RADIL: variants seen among roughly 807,000 people sequenced by gnomAD.
RADIL encodes the protein ras-associating and dilute domain-containing protein.
RADIL carries 99 observed loss-of-function variants against 97.6 expected under a neutral mutation model. The observed-to-expected ratio is 1.01, with a 90% CI of 0.86 to 1.20. The LOEUF (loss-of-function observed/expected upper bound fraction) is 1.20. Ranked by LOEUF, RADIL falls within the 50% of genes most tolerant of loss-of-function variation. The probability of loss-of-function intolerance (pLI) is 0.00; values close to 1 mark genes in which losing one functional copy is unlikely to be tolerated. For missense variants in RADIL, 1,765 were observed against 1,498.9 expected (o/e 1.18, Z -2.93); for synonymous variants, 803 against 691.8 (o/e 1.16, Z -2.52).
chr7:4,878,491 G>C lies in RADIL; in HGVS notation c.-64-288C>G, dbSNP rs944878921. On this transcript the variant is annotated intron_variant, in intron 1 of 14. Coordinates refer to ENST00000399583, the MANE Select transcript of RADIL (RefSeq NM_018059.5). This position sits in a 1 kb window ranked among gnomAD's most constrained non-coding sequence, Gnocchi z 4.1. ...GGAGTTCAAGATTGCAGTGAGCTAT[G>C]ATAGTGCCACGGCCCTCCAGCCCGG... Among the ~76,000 whole-genome samples the C allele has an allele frequency of 2.0e-5, 3 of 152,216 alleles. No homozygotes were observed. Among genetic ancestry groups the C allele is most frequent in the Admixed American group, 1.3e-4 (2 of 15,282 alleles).
intron 2 of RADIL, among the ~76,000 whole-genome samples, chr7:4,846,664 G>T (rs189138056): frequency 6.6e-6 from 1 of 151,352 alleles, no homozygotes; most frequent in Non-Finnish European, 1.5e-5. Flanking sequence ...TCCTGCCTCA[G>T]CCTCCCAAGT....
chr7:4,875,995 C>T (rs1270229767), intron 2 of RADIL, among the ~76,000 whole-genome samples: 2 of 152,048 alleles, frequency 1.3e-5, no homozygotes, highest in Admixed American at 6.6e-5. Flanking sequence ...CCACAAGTTA[C>T]TCTTTTTATT....
intron 5 of RADIL, among the ~76,000 whole-genome samples, chr7:4,829,363 G>A (rs1465395736): frequency 6.6e-6 from 1 of 152,188 alleles, no homozygotes; most frequent in Non-Finnish European, 1.5e-5. Context: ...GCGGGTGTTT[G>A]CCAGTGAAAG....
intron 9 of RADIL, among the ~76,000 whole-genome samples, chr7:4,812,180 C>T (rs1187767885): frequency 6.6e-6 from 1 of 152,154 alleles, no homozygotes; most frequent in Non-Finnish European, 1.5e-5. Context: ...CACACCTGGC[C>T]TTTCAGTTTC....
chr7:4,855,901 T>C (rs960452563), intron 2 of RADIL, among the ~76,000 whole-genome samples: 32 of 151,906 alleles, frequency 2.1e-4, no homozygotes, highest in African/African-American at 7.5e-4. Context: ...GTTCAAGTGA[T>C]TCTCATGCCT....
chr7:4,819,829 G>C lies in RADIL; in HGVS notation c.1616-2478C>G, dbSNP rs1243981008. Among the ~76,000 whole-genome samples the C allele has an allele frequency of 6.6e-6, 1 of 152,202 alleles. No homozygotes were observed. Among genetic ancestry groups the C allele is most frequent in the African/African-American group, 2.4e-5 (1 of 41,452 alleles). ...GGCCCTCGACACCCGGAGCCTGCAG[G>C]CATCCCTGGGCCCTGGCTCCCATCG... is the stretch of plus-strand genomic sequence containing the variant. On this transcript the variant is annotated intron_variant, in intron 6 of 14. Coordinates refer to ENST00000399583, the MANE Select transcript of RADIL (RefSeq NM_018059.5). The surrounding 1 kb of genome is among the most constrained non-coding windows in gnomAD (Gnocchi z 5.8).
At chr7:4,836,713 G>T (rs2115004313) in intron 2 of RADIL, 108 bp from the exon 3 acceptor site, 7 of 1,460,190 alleles carry the variant, frequency 4.8e-6, no homozygotes, top group Non-Finnish European at 6.5e-6. Flanking sequence ...CGAGGTGGGG[G>T]GATCGCCTGA....
At position 4,803,728 on chromosome 7, in the gene RADIL, G is replaced by T. The variant is rs1362515906; in HGVS notation, c.2317C>A (p.Pro773Thr). 2 of 1,566,002 alleles carry T rather than the reference G, an allele frequency of 1.3e-6. No individual in the cohort carries two copies. The highest frequency in any genetic ancestry group is 1.4e-5 in the African/African-American group (1 of 73,706). Residue 773 changes from proline to threonine, a missense_variant, in exon 11 of 15, where the codon CCC becomes ACC. Physicochemically the swap from Pro to Thr is conservative, Grantham distance 38. Transcript: ENST00000399583. ...TCGCTGGGCAGGACGATGGGTGGGG[G>T]GTTTTCGTAGGACTCCAGAACATCC... ...SEDVLESYEN[P>T]PPIVLPSDGF...
Position 4,821,525 on chromosome 7 carries a change from C to CCT in RADIL, c.1615+867_1615+868dup, listed in dbSNP as rs1366040256. Among the ~76,000 whole-genome samples the CCT allele has an allele frequency of 1.3e-5, 2 of 152,162 alleles. No homozygotes were observed. Among genetic ancestry groups the CCT allele is most frequent in the Non-Finnish European group, 2.9e-5 (2 of 68,040 alleles). ...CCCCCTAGACTGCCCCGATGGAATCCCTCTCCCTTAGTATTTTCAGAACAC... is the reference window on the plus strand; with the variant it reads ...CCCCCTAGACTGCCCCGATGGAATCCCTCTCTCCCTTAGTATTTTCAGAACAC... On this transcript the variant is annotated intron_variant, in intron 6 of 14. Coordinates refer to ENST00000399583, the MANE Select transcript of RADIL (RefSeq NM_018059.5). The surrounding 1 kb of genome is among the most constrained non-coding windows in gnomAD (Gnocchi z 5.2).
At position 4,815,470 on chromosome 7, in the gene RADIL, G is replaced by A. The variant is rs1287588417; in HGVS notation, c.1967-20C>T. On this transcript the variant is annotated intron_variant, in intron 8 of 14. Coordinates refer to ENST00000399583, the MANE Select transcript of RADIL (RefSeq NM_018059.5). This position sits in a 1 kb window ranked among gnomAD's most constrained non-coding sequence, Gnocchi z 8.0. ...AGGGGCCTGTGGAGGGAAGAAGGGA[G>A]GGTGATGCCTGGGCTGCCCTCCTGG... is the stretch of plus-strand genomic sequence containing the variant. 2.7e-6 allele frequency: 4 copies of A among 1,484,844 alleles called. No homozygotes were observed. The Admixed American group carries it at 9.9e-5, about 37-fold the overall frequency. The allele number at this position is 1,484,844 out of a possible 1,614,324, so 92.0% of individuals were successfully genotyped here. A position where few individuals can be genotyped will look rare whatever the true frequency, so the allele number is the denominator to read the frequency against.
chr7:4,832,064 G>T, intron 5 of RADIL, 77 bp downstream of exon 5: 2 of 1,512,912 alleles, frequency 1.3e-6, no homozygotes, highest in Non-Finnish European at 1.8e-6. Context: ...GACCCCTCGG[G>T]ACTTGGCTCC....
chr7:4,865,716 T>A lies in RADIL; in HGVS notation c.535+11889A>T. ...TGGCAGCATCTGTGATTCCATCTTC[T>A]ACGGGGTGGGTGCAATCAAGAGTGA... On this transcript the variant is annotated intron_variant, in intron 2 of 14. Transcript: ENST00000399583. 5 of 1,042,956 alleles carry A rather than the reference T, an allele frequency of 4.8e-6. No individual in the cohort carries two copies. In the South Asian group the frequency reaches 6.3e-5, roughly 13 times the overall value. 64.6% of individuals were successfully genotyped at this position (1,042,956 alleles called of 1,614,324 possible). A position where few individuals can be genotyped will look rare whatever the true frequency, so the allele number is the denominator to read the frequency against.
chr7:4,838,121 G>A, intron 2 of RADIL: 2 of 943,384 alleles, frequency 2.1e-6, no homozygotes, highest in Non-Finnish European at 2.5e-6. Flanking sequence ...CTGCTGGGCT[G>A]GGCTGCTCAC....
chr7:4,829,567 C>T (rs891112792), intron 5 of RADIL, among the ~76,000 whole-genome samples: 1 of 152,128 alleles, frequency 6.6e-6, no homozygotes, highest in Non-Finnish European at 1.5e-5. Context: ...ACGTGAGGCA[C>T]TTACAGGGTT....
Position 4,832,121 on chromosome 7 carries a change from A to G in RADIL, c.1454+20T>C, listed in dbSNP as rs779156124. The stretch of plus-strand genomic sequence containing the variant: ...GGACCTGCTGCCCAGAGGCGGGCAC[A>G]ATAACCGGGTCATACTCACAGTTGC... On this transcript the variant is annotated intron_variant, in intron 5 of 14. Coordinates refer to ENST00000399583, the MANE Select transcript of RADIL (RefSeq NM_018059.5). 3.7e-6 allele frequency: 6 copies of G among 1,605,052 alleles called. No individual in the cohort carries two copies. Among genetic ancestry groups the G allele is most frequent in the Admixed American group, 3.4e-5 (2 of 59,508 alleles).
intron 5 of RADIL, among the ~76,000 whole-genome samples, chr7:4,823,494 T>C (rs900988044): frequency 2.6e-5 from 4 of 152,162 alleles, no homozygotes; most frequent in African/African-American, 4.8e-5. Context: ...ATGGGGTTCA[T>C]TGTTACTCTG....
chr7:4,861,166 C>G (rs759491706), intron 2 of RADIL: 7 of 1,614,232 alleles, frequency 4.3e-6, no homozygotes, highest in Non-Finnish European at 5.1e-6. Context: ...CAATGTTTGG[C>G]ACTAGATGTA....
chr7:4,872,174 C>T lies in RADIL; in HGVS notation c.535+5431G>A, dbSNP rs150996297. ...GGCTCGTGTGGCCGAGTCCAGGCAGCCAGGTCCAATACTGCAGCTCTCAAT... is the reference window on the plus strand; with the variant it reads ...GGCTCGTGTGGCCGAGTCCAGGCAGTCAGGTCCAATACTGCAGCTCTCAAT... On this transcript the variant is annotated intron_variant, in intron 2 of 14. Coordinates refer to ENST00000399583, the MANE Select transcript of RADIL (RefSeq NM_018059.5). This position sits in a 1 kb window ranked among gnomAD's most constrained non-coding sequence, Gnocchi z 5.8. Among the ~76,000 whole-genome samples, 3 of 152,270 alleles carry T rather than the reference C, an allele frequency of 2.0e-5. No individual in the cohort carries two copies. Among genetic ancestry groups the T allele is most frequent in the African/African-American group, 7.2e-5 (3 of 41,560 alleles).
At chr7:4,855,178 A>T (rs1282446250) in intron 2 of RADIL, among the ~76,000 whole-genome samples, 2 of 152,154 alleles carry the variant, frequency 1.3e-5, no homozygotes, top group African/African-American at 4.8e-5. Context: ...TCATTGATGG[A>T]TATGTGGATT....
Sources: allele counts gnomAD v4.1 joint callset (sites outside exome capture counted in the v4.1 genomes callset), GRCh38; gene constraint gnomAD v4.1.1; non-coding constraint Gnocchi (gnomAD v3.1); transcripts MANE v1.5; gene names NCBI Gene and HGNC (gene_info 2026-07-23, HGNC 2026-07-21).